CP: variants seen among roughly 807,000 people sequenced by gnomAD.
CP encodes caeruloplasmin.
In CP, 64 loss-of-function variants were observed where a neutral mutation model predicts 122.4. The ratio of observed to expected loss-of-function variants is 0.52; its 90% CI spans 0.43 to 0.64. The LOEUF (loss-of-function observed/expected upper bound fraction) is 0.64, where lower values mean the gene tolerates loss of function less well. Among genes scored for constraint, CP ranks in the 30% least tolerant of loss-of-function variants. The probability of loss-of-function intolerance (pLI) is 0.00; values close to 1 mark genes in which losing one functional copy is unlikely to be tolerated. For synonymous variants in CP, 440 were observed against 436.4 expected (o/e 1.01, Z -0.10); for missense variants, 1,167 against 1,284.4 (o/e 0.91, Z 1.40).
At position 149,221,590 on chromosome 3, in the gene CP, T is replaced by C. The variant is rs1728809225; in HGVS notation, c.146+57A>G. On this transcript the variant is annotated intron_variant, in intron 1 of 18. Transcript: ENST00000264613. ...TAAAAATATTTCATCTTATTGGCTC[T>C]ATCCTTTAAAAATAACTTAAAATTT... The C allele has an allele frequency of 6.5e-6, 10 of 1,529,340 alleles. No homozygotes were observed. In the South Asian group the frequency reaches 1.2e-4, roughly 18 times the overall value. The allele number at this position is 1,529,340 out of a possible 1,614,324, so 94.7% of individuals were successfully genotyped here.
chr3:149,203,234 G>A (rs1176582119), intron 6 of CP, among the ~76,000 whole-genome samples: 2 of 151,890 alleles, frequency 1.3e-5, no homozygotes, highest in East Asian at 1.9e-4. Context: ...TTGTGTATTA[G>A]CACTGGCCAG....
At chr3:149,202,632 G>A (rs1447189519) in intron 6 of CP, among the ~76,000 whole-genome samples, 1 of 123,222 alleles carries the variant, frequency 8.1e-6, no homozygotes, top group African/African-American at 3.1e-5. Context: ...TTTTTGACAT[G>A]GAGTCTCGCT....
At chr3:149,186,165 T>G in intron 11 of CP, 1 of 342,204 alleles carries the variant, frequency 2.9e-6, no homozygotes, top group Admixed American at 4.3e-5. Context: ...TACAGAGACA[T>G]GATGAAAAGT....
chr3:149,176,977 A>C (rs1434980921), intron 17 of CP, among the ~76,000 whole-genome samples: 1 of 152,208 alleles, frequency 6.6e-6, no homozygotes, highest in East Asian at 1.9e-4. Flanking sequence ...AATGCAGGTA[A>C]CAAAACAGGC....
rs12107157 is a variant in CP at position 149,212,024 on chromosome 3, T to A, written c.394+427A>T. On this transcript the variant is annotated intron_variant, in intron 2 of 18. Coordinates refer to ENST00000264613, the MANE Select transcript of CP (RefSeq NM_000096.4). ...TAATAAAATAGTTGGCCGGGTGCAG[T>A]GACTCACGCCTGTAATCCCAGCACT... Among the ~76,000 whole-genome samples, 995 of 152,204 alleles carry A rather than the reference T, an allele frequency of 6.5e-3. 13 individuals carry two copies. Among genetic ancestry groups the A allele is most frequent in the African/African-American group, 0.022 (932 of 41,532 alleles).
intron 1 of CP, among the ~76,000 whole-genome samples, chr3:149,220,962 A>G (rs1345249760): frequency 1.3e-5 from 2 of 152,288 alleles, no homozygotes; most frequent in East Asian, 3.9e-4. Flanking sequence ...TGCTTTCAAT[A>G]AGGGGATTTT....
intron 18 of CP, among the ~76,000 whole-genome samples, chr3:149,175,064 G>T (rs1403228737): frequency 1.3e-5 from 2 of 152,024 alleles, no homozygotes; most frequent in African/African-American, 2.4e-5. Context: ...GCCATACTCT[G>T]CATGCCAGGC....
chr3:149,202,556 T>C (rs1421181869), intron 6 of CP, among the ~76,000 whole-genome samples: 1 of 151,876 alleles, frequency 6.6e-6, no homozygotes, highest in African/African-American at 2.4e-5. Context: ...AATTGTGAAA[T>C]GTTTAAAAAC....
In CP at chr3:149,199,798, G is replaced by T. The variant is rs777718769; in HGVS notation, c.1415C>A (p.Pro472His). 2.9e-5 allele frequency: 47 copies of T among 1,613,928 alleles called. No homozygotes were observed. Among genetic ancestry groups the T allele is most frequent in the Non-Finnish European group, 3.7e-5 (44 of 1,179,930 alleles). ...RVTFHNKGAY[P>H]LSIEPIGVRF... is the part of the protein sequence containing the mutation. ...CACCCCAATCGGCTCAATACTGAGGGGATATGCTCCTTTGTTATGGAAGGT... is the reference window on the plus strand; with the variant it reads ...CACCCCAATCGGCTCAATACTGAGGTGATATGCTCCTTTGTTATGGAAGGT... Residue 472 changes from proline to histidine, a missense_variant, in exon 8 of 19, where the codon CCC (proline) becomes CAC (histidine). Physicochemically the swap from Pro to His is moderately conservative, Grantham distance 77 (BLOSUM62 -2). Coordinates refer to ENST00000264613, the MANE Select transcript of CP (RefSeq NM_000096.4).
intron 4 of CP, chr3:149,167,238 C>G (rs374197403): frequency 5.6e-6 from 9 of 1,609,852 alleles, no homozygotes; most frequent in Non-Finnish European, 7.6e-6. Flanking sequence ...AGAAGAGAAC[C>G]GGGTATGCTT....
intron 6 of CP, among the ~76,000 whole-genome samples, chr3:149,205,819 T>G (rs1300627123): frequency 6.6e-6 from 1 of 152,104 alleles, no homozygotes; most frequent in African/African-American, 2.4e-5. Context: ...TGGAAATGGA[T>G]AGTGGTGACG....
downstream of CP, chr3:149,172,117 G>A (rs758223311): frequency 8.1e-6 from 13 of 1,612,878 alleles, no homozygotes; most frequent in East Asian, 2.7e-4. Context: ...TTGTTGCTGT[G>A]GAACTAGAAC....
intron 13 of CP, among the ~76,000 whole-genome samples, chr3:149,183,206 T>C (rs570683815): frequency 1.3e-5 from 2 of 152,084 alleles, no homozygotes; most frequent in Non-Finnish European, 2.9e-5. Context: ...ACTACAGGCA[T>C]CAATTTGATA....
chr3:149,164,086 C>T (rs1324044638), intron 5 of CP: 4 of 597,692 alleles, frequency 6.7e-6, no homozygotes, highest in South Asian at 1.9e-5. Context: ...TAGGCATACT[C>T]AGGAGACTTG....
rs776132797 is a variant in CP, at chr3:149,188,490, C to CCAAAAAAA, written c.1714-289_1714-288insTTTTTTTG. Reference sequence around the variant, plus strand: ...CATTGTGCATACCAATTGAAGCCTCCAAAAAAAAAAAAAAAAAAAAAAAAA... The same window carrying CCAAAAAAA: ...CATTGTGCATACCAATTGAAGCCTCCCAAAAAAAAAAAAAAAAAAAAAAAAAAAAAAAA... On this transcript the variant is annotated intron_variant, in intron 9 of 18. Coordinates refer to ENST00000264613, the MANE Select transcript of CP (RefSeq NM_000096.4). Among the ~76,000 whole-genome samples, 2 of 46,088 alleles carry CCAAAAAAA rather than the reference C, an allele frequency of 4.3e-5. 1 individual carries two copies. Among genetic ancestry groups the CCAAAAAAA allele is most frequent in the African/African-American group, 1.1e-4 (2 of 17,474 alleles). The allele number at this position is 46,088 out of a possible 152,430, so 30.2% of individuals were successfully genotyped here. A position where few individuals can be genotyped will look rare whatever the true frequency, so the allele number is the denominator to read the frequency against.
chr3:149,174,866 A>G (rs1559933053), intron 18 of CP, among the ~76,000 whole-genome samples: 1 of 152,118 alleles, frequency 6.6e-6, no homozygotes, highest in Non-Finnish European at 1.5e-5. Context: ...TGCAAAAGTC[A>G]AATTTCTCTT....
intron 18 of CP, among the ~76,000 whole-genome samples, chr3:149,174,363 G>A (rs528977996): frequency 6.6e-6 from 1 of 152,210 alleles, no homozygotes; most frequent in South Asian, 2.1e-4. Context: ...TCATGTACAA[G>A]AATATTCTTG....
chr3:149,176,579 T>A (rs1310744096), intron 17 of CP, 167 bp from the exon 18 acceptor site: 2 of 609,850 alleles, frequency 3.3e-6, no homozygotes, highest in African/African-American at 3.7e-5. Flanking sequence ...GTTTTTGTAT[T>A]CCTAATAAGT....
chr3:149,212,421 G>A (rs1728176920), intron 2 of CP, 30 bp downstream of exon 2: 3 of 1,612,866 alleles, frequency 1.9e-6, no homozygotes, highest in Non-Finnish European at 2.5e-6. Context: ...AAAAGTAAGA[G>A]GAAATTCCAG....
Sources: allele counts gnomAD v4.1 joint callset (sites outside exome capture counted in the v4.1 genomes callset), GRCh38; gene constraint gnomAD v4.1.1; transcripts MANE v1.5; gene names NCBI Gene and HGNC (gene_info 2026-07-23, HGNC 2026-07-21).